MALRD1: variants seen among roughly 807,000 people sequenced by gnomAD.
The protein encoded by MALRD1 is MAM and LDL-receptor class A domain-containing protein 1.
MALRD1 carries 247 observed loss-of-function variants against 242.1 expected under a neutral mutation model. That is an observed-to-expected ratio of 1.02 (90% CI 0.92 to 1.13). The LOEUF (loss-of-function observed/expected upper bound fraction) is 1.13. Among genes scored for constraint, MALRD1 ranks in the 50% most tolerant of loss-of-function variants. The probability of loss-of-function intolerance (pLI) is 0.00; values close to 1 mark genes in which losing one functional copy is unlikely to be tolerated. For missense variants in MALRD1, 2,989 were observed against 2,533.1 expected (o/e 1.18, Z -3.86); for synonymous variants, 995 against 866.6 (o/e 1.15, Z -2.60).
chr10:19,457,355 A>T (rs1189384663), intron 29 of MALRD1, among the ~76,000 whole-genome samples: 1 of 152,140 alleles, frequency 6.6e-6, no homozygotes, highest in Admixed American at 6.5e-5. Context: ...ATCCTCATAA[A>T]CTAATTACAT....
chr10:19,585,198 T>G (rs1342551019), intron 33 of MALRD1, among the ~76,000 whole-genome samples: 8 of 152,216 alleles, frequency 5.3e-5, no homozygotes, highest in Non-Finnish European at 1.2e-4. Flanking sequence ...GTCTGTGTCT[T>G]TTAATTGGAG....
At chr10:19,658,108 A>G (rs1841251634) in intron 36 of MALRD1, among the ~76,000 whole-genome samples, 1 of 152,082 alleles carries the variant, frequency 6.6e-6, no homozygotes. Flanking sequence ...AGATCATGCC[A>G]TTGCACTCCA....
intron 21 of MALRD1, among the ~76,000 whole-genome samples, chr10:19,308,133 TCTA>T (rs964221705): frequency 2.0e-5 from 3 of 151,408 alleles, no homozygotes; most frequent in African/African-American, 7.3e-5. Flanking sequence ...ATTGTTTCTT[TCTA>T]TTTTTTTTAT....
At chr10:19,420,423 C>T (rs1311622293) in intron 28 of MALRD1, among the ~76,000 whole-genome samples, 2 of 152,004 alleles carry the variant, frequency 1.3e-5, no homozygotes, top group Non-Finnish European at 2.9e-5. Flanking sequence ...AAATTTAGAA[C>T]TTATATCTAA....
intron 26 of MALRD1, among the ~76,000 whole-genome samples, chr10:19,368,356 C>T (rs1009016890): frequency 1.3e-5 from 2 of 151,976 alleles, no homozygotes; most frequent in Admixed American, 1.3e-4. Context: ...TTCCCTAGCA[C>T]CATTTATTTG....
intron 36 of MALRD1, among the ~76,000 whole-genome samples, chr10:19,628,122 A>G (rs887642788): frequency 1.3e-5 from 2 of 152,154 alleles, no homozygotes; most frequent in Admixed American, 1.3e-4. Context: ...GTGACAAAAC[A>G]TTTTTTGGTA....
chr10:19,727,516 G>C (rs1323984186), intron 38 of MALRD1, among the ~76,000 whole-genome samples: 1 of 152,114 alleles, frequency 6.6e-6, no homozygotes, highest in Non-Finnish European at 1.5e-5. Flanking sequence ...GTATCTGCAC[G>C]TAATGGATAT....
At chr10:19,118,508 C>T (rs1171876249) in intron 5 of MALRD1, among the ~76,000 whole-genome samples, 3 of 152,118 alleles carry the variant, frequency 2.0e-5, no homozygotes, top group Non-Finnish European at 4.4e-5. Flanking sequence ...TATCTGAAGA[C>T]CTGGAATCAA....
chr10:19,114,455 G>T (rs907865023), intron 5 of MALRD1, among the ~76,000 whole-genome samples: 2 of 152,072 alleles, frequency 1.3e-5, no homozygotes, highest in Admixed American at 6.6e-5. Flanking sequence ...TGGCCAACAT[G>T]GTGAAACCCC....
At chr10:19,369,302 TA>T (rs915059904) in intron 26 of MALRD1, among the ~76,000 whole-genome samples, 26 of 147,068 alleles carry the variant, frequency 1.8e-4, no homozygotes, top group African/African-American at 6.4e-4. Context: ...TTATGTGATA[TA>T]AATATAATAC....
chr10:19,679,888 A>G (rs1842296080), intron 36 of MALRD1, among the ~76,000 whole-genome samples: 1 of 151,854 alleles, frequency 6.6e-6, no homozygotes, highest in South Asian at 2.1e-4. Flanking sequence ...CTTCATTTCT[A>G]CCTTAATTTA....
chr10:19,550,844 T>C (rs1454234629), intron 32 of MALRD1, among the ~76,000 whole-genome samples: 4 of 152,184 alleles, frequency 2.6e-5, no homozygotes, highest in Non-Finnish European at 5.9e-5. Context: ...ATGATTTATA[T>C]TTTGGGCGGT....
chr10:19,058,857 G>A (rs1834741358), intron 1 of MALRD1, among the ~76,000 whole-genome samples: 1 of 152,066 alleles, frequency 6.6e-6, no homozygotes, highest in Non-Finnish European at 1.5e-5. Context: ...AAAAAAGTAT[G>A]TGCACTCTTG....
intron 38 of MALRD1, among the ~76,000 whole-genome samples, chr10:19,726,147 T>C (rs780617303): frequency 6.6e-5 from 10 of 152,010 alleles, no homozygotes; most frequent in Non-Finnish European, 1.3e-4. Context: ...AAAGACATTA[T>C]CAAGAAAGTG....
chr10:19,731,485 GTTTAC>G (rs935468720), intron 39 of MALRD1, among the ~76,000 whole-genome samples: 4 of 147,288 alleles, frequency 2.7e-5, no homozygotes, highest in African/African-American at 7.9e-5. Context: ...ACCTCACATA[GTTTAC>G]TTTGTGTGTG....
intron 21 of MALRD1, among the ~76,000 whole-genome samples, chr10:19,284,128 C>A (rs75678362): frequency 0.015 from 2,323 of 152,236 alleles, 51 homozygotes; most frequent in African/African-American, 0.052. Flanking sequence ...GACTACATAA[C>A]AAATGTAATA....
chr10:19,352,351 A>G, intron 26 of MALRD1, 54 bp downstream of exon 26: 1 of 1,472,964 alleles, frequency 6.8e-7, no homozygotes, highest in Non-Finnish European at 9.2e-7. Context: ...AAAGGTGAAA[A>G]GGAAGAAAGA....
chr10:19,318,383 G>A (rs914847565), intron 21 of MALRD1, among the ~76,000 whole-genome samples: 6 of 150,982 alleles, frequency 4.0e-5, no homozygotes, highest in African/African-American at 1.5e-4. Context: ...TCTTTTCCCT[G>A]CAGGTGAAAG....
intron 18 of MALRD1, among the ~76,000 whole-genome samples, chr10:19,220,559 A>G (rs190163374): frequency 1.3e-5 from 2 of 152,276 alleles, no homozygotes; most frequent in African/African-American, 4.8e-5. Flanking sequence ...GAATCGCAGA[A>G]CATTGATTTT....
Sources: allele counts gnomAD v4.1 joint callset (sites outside exome capture counted in the v4.1 genomes callset), GRCh38; gene constraint gnomAD v4.1.1; transcripts MANE v1.5; gene names NCBI Gene and HGNC (gene_info 2026-07-23, HGNC 2026-07-21).